CLCN5: variants seen among roughly 807,000 people sequenced by gnomAD.
CLCN5 encodes the protein Cl-/H+ antiporter 5.
Under a neutral mutation model 54.0 loss-of-function variants are expected in CLCN5, and 17 were observed. The ratio of observed to expected loss-of-function variants is 0.31; its 90% CI spans 0.22 to 0.47. The LOEUF is 0.47. Ranked by LOEUF, CLCN5 falls within the 20% of genes least tolerant of loss-of-function variation. The pLI, the probability that CLCN5 is intolerant of heterozygous loss-of-function variation, is 1.00. For synonymous variants in CLCN5, 222 were observed against 233.0 expected (o/e 0.95, Z 0.43); for missense variants, 448 against 646.7 (o/e 0.69, Z 3.33).
chrX:50,069,644 G>T, intron 4 of CLCN5: 1 of 944,788 alleles, frequency 1.1e-6, no homozygotes, highest in Admixed American at 5.3e-5. Flanking sequence ...TCTTTGTACT[G>T]TCACTCTCAT....
At chrX:49,924,717 G>A (rs1216152107) in intron 2 of CLCN5, among the ~76,000 whole-genome samples, 1 of 111,382 alleles carries the variant, frequency 9.0e-6, no homozygotes, top group Non-Finnish European at 1.9e-5. Flanking sequence ...TTTTTATTCC[G>A]CTTCCTTTTT....
Position 50,042,439 on chromosome X carries a change from C to T in CLCN5, c.140C>T (p.Pro47Leu). 1 of 1,089,204 alleles carries T rather than the reference C, an allele frequency of 9.2e-7. No homozygotes were observed. Among genetic ancestry groups the T allele is most frequent in the Non-Finnish European group, 1.2e-6 (1 of 823,656 alleles). The allele number at this position is 1,089,204 out of a possible 1,213,427, so 89.8% of individuals were successfully genotyped here. A position where few individuals can be genotyped will look rare whatever the true frequency, so the allele number is the denominator to read the frequency against. ...AMDFSMRDDVPPLDREVGEDK... is the reference protein window; with the variant it reads ...AMDFSMRDDVLPLDREVGEDK... ...GATTTCTCCATGAGAGATGATGTTCCTCCCTTAGACCGAGAAGTAGGAGGT... is the reference window on the plus strand; with the variant it reads ...GATTTCTCCATGAGAGATGATGTTCTTCCCTTAGACCGAGAAGTAGGAGGT... Residue 47 changes from proline (P) to leucine (L), a missense_variant, in exon 4 of 15, where the codon CCT becomes CTT. By Grantham distance (98) the Pro-to-Leu change is moderately conservative. Around this residue, in one of 5 missense-constraint regions of CLCN5, gnomAD observed 69 missense variants for 60.9 expected, o/e 1.13. Coordinates refer to ENST00000376091, the MANE Select transcript of CLCN5 (RefSeq NM_001127898.4).
intron 3 of CLCN5, among the ~76,000 whole-genome samples, chrX:49,935,429 G>T (rs782698278): frequency 8.9e-6 from 1 of 112,262 alleles, no homozygotes; most frequent in East Asian, 2.8e-4. Context: ...GCACTGTGTT[G>T]GGTGGATGCT....
At chrX:49,983,752 A>T (rs782434134) in intron 3 of CLCN5, among the ~76,000 whole-genome samples, 18 of 109,101 alleles carry the variant, frequency 1.6e-4, no homozygotes, top group African/African-American at 5.9e-4. Context: ...GGTAAAAGGG[A>T]TTTCTGCCCT....
intron 3 of CLCN5, among the ~76,000 whole-genome samples, chrX:49,971,250 A>G (rs1368757455): frequency 8.7e-5 from 9 of 103,656 alleles, no homozygotes; most frequent in Non-Finnish European, 1.8e-4. Context: ...ATTTACATAT[A>G]TATTTATATA....
intron 12 of CLCN5, 101 bp from the exon 13 acceptor site, chrX:50,090,015 A>T: frequency 1.2e-6 from 1 of 844,938 alleles, no homozygotes; most frequent in Non-Finnish European, 1.8e-6. Context: ...TGTAGGTGAG[A>T]CCTCATTGTT....
chrX:49,977,985 C>T (rs188702838), intron 3 of CLCN5, among the ~76,000 whole-genome samples: 19 of 112,048 alleles, frequency 1.7e-4, no homozygotes, highest in African/African-American at 6.1e-4. Context: ...AAGCTGCCTG[C>T]GTTCAGATTT....
intron 3 of CLCN5, among the ~76,000 whole-genome samples, chrX:49,987,129 C>G (rs2033079445): frequency 8.9e-6 from 1 of 112,552 alleles, no homozygotes; most frequent in African/African-American, 3.2e-5. Flanking sequence ...TATTGCCCAA[C>G]ACATTTTTTG....
intron 4 of CLCN5, among the ~76,000 whole-genome samples, chrX:50,045,527 T>G (rs1231235309): frequency 8.9e-6 from 1 of 112,344 alleles, no homozygotes; most frequent in Non-Finnish European, 1.9e-5. Context: ...CAAAGTACTT[T>G]GTGTGTTCAT....
intron 3 of CLCN5, among the ~76,000 whole-genome samples, chrX:50,033,178 C>T (rs1203080001): frequency 1.8e-5 from 2 of 110,865 alleles, no homozygotes; most frequent in Non-Finnish European, 1.9e-5. Context: ...GGCAGTTAGG[C>T]AGGAGAAGGA....
rs1602102944 is a variant in CLCN5 at position 50,063,810 on chromosome X, C to A, written c.164-6069C>A. Reference sequence around the variant, plus strand: ...GCAGCACATCAAAAAGCTTATCCACCATGATCAAGTGGGCGTCATCCCTGG... The same window carrying A: ...GCAGCACATCAAAAAGCTTATCCACAATGATCAAGTGGGCGTCATCCCTGG... On this transcript the variant is annotated intron_variant, in intron 4 of 14. Coordinates refer to ENST00000376091, the MANE Select transcript of CLCN5 (RefSeq NM_001127898.4). Among the ~76,000 whole-genome samples, 3 of 111,156 alleles carry A rather than the reference C, an allele frequency of 2.7e-5. No individual in the cohort carries two copies. The Admixed American group carries it at 2.9e-4, about 11-fold the overall frequency.
intron 3 of CLCN5, among the ~76,000 whole-genome samples, chrX:49,944,353 G>A (rs1311625984): frequency 9.0e-6 from 1 of 111,469 alleles, no homozygotes; most frequent in Non-Finnish European, 1.9e-5. Context: ...TCTGCAAACA[G>A]GGACAATTTG....
Position 49,925,170 on chromosome X carries a change from G to A in CLCN5, c.-128-1G>A. 1 of 682,220 alleles carries A rather than the reference G, an allele frequency of 1.5e-6. No individual in the cohort carries two copies. 56.2% of individuals were successfully genotyped at this position (682,220 alleles called of 1,213,427 possible). ...ATTCATTTTTCTGTTTACATTTTCAGGTTTGGGGCTTTAGCCCCTTGGAGA... is the reference window on the plus strand; with the variant it reads ...ATTCATTTTTCTGTTTACATTTTCAAGTTTGGGGCTTTAGCCCCTTGGAGA... On this transcript the variant is annotated splice_acceptor_variant, in intron 2 of 14. Coordinates refer to ENST00000376091, the MANE Select transcript of CLCN5 (RefSeq NM_001127898.4). LOFTEE classifies it low-confidence loss of function (5UTR_SPLICE).
At chrX:50,034,678 G>A (rs2033747368) in intron 3 of CLCN5, among the ~76,000 whole-genome samples, 1 of 110,910 alleles carries the variant, frequency 9.0e-6, no homozygotes, top group Non-Finnish European at 1.9e-5. Context: ...TAATTTATTT[G>A]AACCAACACA....
chrX:49,960,089 TC>T, intron 3 of CLCN5, among the ~76,000 whole-genome samples: 1 of 111,073 alleles, frequency 9.0e-6, no homozygotes, highest in Non-Finnish European at 1.9e-5. Context: ...CAGGAAGTTT[TC>T]TAGCCTTCTC....
At chrX:50,090,962 T>G in intron 14 of CLCN5, 76 bp downstream of exon 14, 1 of 854,807 alleles carries the variant, frequency 1.2e-6, no homozygotes, top group Non-Finnish European at 1.7e-6. Flanking sequence ...TAGAAAGAAG[T>G]AGAACCCAGT....
At chrX:49,944,521 G>T (rs1286702882) in intron 3 of CLCN5, among the ~76,000 whole-genome samples, 1 of 111,825 alleles carries the variant, frequency 8.9e-6, no homozygotes, top group Non-Finnish European at 1.9e-5. Context: ...TGCCCATTCA[G>T]TATGATATTG....
At chrX:50,035,471 G>T (rs1205499929) in intron 3 of CLCN5, among the ~76,000 whole-genome samples, 3 of 111,332 alleles carry the variant, frequency 2.7e-5, no homozygotes, top group Non-Finnish European at 5.6e-5. Context: ...AGAAGGACAT[G>T]GTGTAGTCAC....
chrX:50,056,415 AGAAG>A (rs782108288), intron 4 of CLCN5, among the ~76,000 whole-genome samples: 42 of 111,515 alleles, frequency 3.8e-4, no homozygotes, highest in Non-Finnish European at 7.7e-4. Context: ...TGTACAATTG[AGAAG>A]GAAGGAATGA....
Sources: allele counts gnomAD v4.1 joint callset (sites outside exome capture counted in the v4.1 genomes callset), GRCh38; gene constraint gnomAD v4.1.1; regional missense constraint gnomAD v4.1.1; transcripts MANE v1.5; gene names NCBI Gene and HGNC (gene_info 2026-07-23, HGNC 2026-07-21).